ANKS1B: variants seen among roughly 807,000 people sequenced by gnomAD.
The protein encoded by ANKS1B is ankyrin repeat and sterile alpha motif domain containing 1B.
Under a neutral mutation model 148.3 loss-of-function variants are expected in ANKS1B, and 36 were observed. That is an observed-to-expected ratio of 0.24 (90% CI 0.19 to 0.32). The LOEUF (loss-of-function observed/expected upper bound fraction) is 0.32, where lower values mean the gene tolerates loss of function less well. Among genes scored for constraint, ANKS1B ranks in the 10% least tolerant of loss-of-function variants. ANKS1B has a pLI of 1.00. For missense variants in ANKS1B, 1,157 were observed against 1,542.6 expected (o/e 0.75, Z 4.19); for synonymous variants, 542 against 560.8 (o/e 0.97, Z 0.47).
rs143211150 is a variant in ANKS1B at position 99,723,758 on chromosome 12, C to A, written c.1128+49164G>T. 4.0e-3 allele frequency among the ~76,000 whole-genome samples: 603 copies of A among 152,278 alleles called. 6 individuals are homozygous for A. Among genetic ancestry groups the A allele is most frequent in the African/African-American group, 0.014 (578 of 41,558 alleles). ...TGATCATACTGGCATCAGATCGGTG[C>A]TCCTCGAGGTCAGAGTTCCCAGAGG... is the stretch of plus-strand genomic sequence containing the variant. On this transcript the variant is annotated intron_variant, in intron 8 of 26. Transcript: ENST00000683438.
chr12:99,184,099 T>C (rs2079482703), intron 14 of ANKS1B, among the ~76,000 whole-genome samples: 2 of 152,258 alleles, frequency 1.3e-5, no homozygotes, highest in African/African-American at 4.8e-5. Context: ...TCTTATTCAT[T>C]AAACAAGCAC....
chr12:99,391,148 A>G (rs2094051593), intron 12 of ANKS1B, among the ~76,000 whole-genome samples: 1 of 152,146 alleles, frequency 6.6e-6, no homozygotes, highest in Non-Finnish European at 1.5e-5. Context: ...TCCTCCTCAA[A>G]TATCTCATCT....
chr12:99,782,634 A>G (rs963853884), intron 4 of ANKS1B, among the ~76,000 whole-genome samples: 3 of 152,212 alleles, frequency 2.0e-5, no homozygotes, highest in African/African-American at 7.2e-5. Flanking sequence ...GCTCTCCTTA[A>G]GTATAAAATA....
At position 98,839,197 on chromosome 12, in the gene ANKS1B, C is replaced by A. The variant is rs148399158; in HGVS notation, c.2779-7061G>T. On this transcript the variant is annotated intron_variant, in intron 17 of 26. Transcript: ENST00000683438. ...AGTTGTAATATAAAGGGGACAATAACAGTCTTATTCAACAAATATTTCTTG... is the reference window on the plus strand; with the variant it reads ...AGTTGTAATATAAAGGGGACAATAAAAGTCTTATTCAACAAATATTTCTTG... Among the ~76,000 whole-genome samples, 860 of 152,312 alleles carry A rather than the reference C, an allele frequency of 5.6e-3. 9 individuals are homozygous for A. Among genetic ancestry groups the A allele is most frequent in the African/African-American group, 0.02 (835 of 41,568 alleles).
At chr12:99,318,638 T>G (rs1210929836) in intron 12 of ANKS1B, among the ~76,000 whole-genome samples, 1 of 152,086 alleles carries the variant, frequency 6.6e-6, no homozygotes, top group African/African-American at 2.4e-5. Flanking sequence ...GATTCATTGA[T>G]TTTTTGAAGG....
intron 17 of ANKS1B, among the ~76,000 whole-genome samples, chr12:98,878,688 T>C (rs907026150): frequency 6.6e-6 from 1 of 152,162 alleles, no homozygotes; most frequent in Non-Finnish European, 1.5e-5. Flanking sequence ...TAAAATTAAG[T>C]ATTTAATGCG....
At chr12:99,298,580 G>A (rs2081206774) in intron 12 of ANKS1B, among the ~76,000 whole-genome samples, 1 of 152,116 alleles carries the variant, frequency 6.6e-6, no homozygotes, top group Non-Finnish European at 1.5e-5. Context: ...AATACAACCA[G>A]GAACCAGGAA....
Position 99,959,761 on chromosome 12 carries a change from G to A in ANKS1B, c.134+24343C>T, listed in dbSNP as rs191634971. Among the ~76,000 whole-genome samples, 12 of 152,258 alleles carry A rather than the reference G, an allele frequency of 7.9e-5. No individual in the cohort carries two copies. In the East Asian group the frequency reaches 1.3e-3, roughly 17 times the overall value. On this transcript the variant is annotated intron_variant, in intron 1 of 26. Coordinates refer to ENST00000683438, the MANE Select transcript of ANKS1B (RefSeq NM_001352186.2). ...TTAGTCATAGTTGACACTGAACAGC[G>A]TCCAAATTCAAGGAAGGAGTTAAGA...
chr12:99,853,825 A>T (rs1233299994), intron 1 of ANKS1B, among the ~76,000 whole-genome samples: 1 of 152,202 alleles, frequency 6.6e-6, no homozygotes, highest in Non-Finnish European at 1.5e-5. Context: ...TAAAAAAAAG[A>T]TACAGGATAT....
chr12:99,337,674 A>C (rs886421810), intron 12 of ANKS1B, among the ~76,000 whole-genome samples: 4 of 152,116 alleles, frequency 2.6e-5, no homozygotes, highest in Non-Finnish European at 4.4e-5. Flanking sequence ...AAATTGAGTA[A>C]TGTAATTTAA....
chr12:98,887,567 A>G (rs2099742965), intron 17 of ANKS1B, among the ~76,000 whole-genome samples: 1 of 152,104 alleles, frequency 6.6e-6, no homozygotes, highest in Non-Finnish European at 1.5e-5. Context: ...AAGTTCAACA[A>G]TTATTTAGTT....
At chr12:99,898,770 T>C (rs1318254625) in intron 1 of ANKS1B, among the ~76,000 whole-genome samples, 1 of 152,144 alleles carries the variant, frequency 6.6e-6, no homozygotes, top group African/African-American at 2.4e-5. Context: ...AGGATTAATA[T>C]CAGAGGTGGT....
intron 14 of ANKS1B, among the ~76,000 whole-genome samples, chr12:99,241,723 G>A (rs938529302): frequency 6.6e-6 from 1 of 152,158 alleles, no homozygotes; most frequent in African/African-American, 2.4e-5. Context: ...CTTCATCCCT[G>A]GGAGGCCAGG....
intron 17 of ANKS1B, among the ~76,000 whole-genome samples, chr12:98,891,240 A>T (rs1172662542): frequency 6.6e-6 from 1 of 152,228 alleles, no homozygotes; most frequent in Admixed American, 6.5e-5. Flanking sequence ...CTATTTCCAT[A>T]TGAGAAAACC....
chr12:99,535,117 G>A (rs2137191), intron 9 of ANKS1B, among the ~76,000 whole-genome samples: 34,535 of 152,088 alleles, frequency 0.23, 3,999 homozygotes, highest in Admixed American at 0.25. Context: ...ATATGATTGT[G>A]TACCTGCAAA....
At chr12:99,117,709 C>CA (rs1159864238) in intron 15 of ANKS1B, among the ~76,000 whole-genome samples, 1 of 152,138 alleles carries the variant, frequency 6.6e-6, no homozygotes, top group Admixed American at 6.5e-5. Flanking sequence ...AGGCTGGCCT[C>CA]ATAAAATGAG....
chr12:98,737,026 C>T (rs1426022639), intron 9 of ANKS1B, among the ~76,000 whole-genome samples: 2 of 152,178 alleles, frequency 1.3e-5, no homozygotes, highest in African/African-American at 4.8e-5. Flanking sequence ...CCGTTCCTCC[C>T]TCCAGATTGT....
At chr12:98,747,501 T>C (rs76067518) in intron 26 of ANKS1B, among the ~76,000 whole-genome samples, 1,986 of 152,292 alleles carry the variant, frequency 0.013, 43 homozygotes, top group South Asian at 0.071. Flanking sequence ...TCTACACTGT[T>C]GGTAGGAATC....
chr12:99,648,576 A>G (rs1452260531), intron 9 of ANKS1B: 3 of 1,614,034 alleles, frequency 1.9e-6, no homozygotes, highest in African/African-American at 2.7e-5. Context: ...ACAACAGCGT[A>G]AAAAAACAGC....
Sources: allele counts gnomAD v4.1 joint callset (sites outside exome capture counted in the v4.1 genomes callset), GRCh38; gene constraint gnomAD v4.1.1; transcripts MANE v1.5; gene names NCBI Gene and HGNC (gene_info 2026-07-23, HGNC 2026-07-21).